UBE3C: variants seen among roughly 807,000 people sequenced by gnomAD.
UBE3C encodes ubiquitin protein ligase E3C.
UBE3C carries 42 observed loss-of-function variants against 129.4 expected under a neutral mutation model. The observed-to-expected ratio is 0.32, with a 90% CI of 0.25 to 0.42. The LOEUF (loss-of-function observed/expected upper bound fraction) is 0.42. UBE3C is among the 10% of genes least tolerant of loss of function. UBE3C has a pLI of 1.00. For synonymous variants in UBE3C, 510 were observed against 492.4 expected (o/e 1.04, Z -0.47); for missense variants, 1,049 against 1,319.1 (o/e 0.80, Z 3.17).
chr7:157,235,899 AT>A (rs1291404873), intron 18 of UBE3C, among the ~76,000 whole-genome samples: 23 of 152,288 alleles, frequency 1.5e-4, no homozygotes, highest in Admixed American at 1.4e-3. Context: ...AGTAAGTGTC[AT>A]AGTACAGCAG....
intron 10 of UBE3C, among the ~76,000 whole-genome samples, chr7:157,190,735 C>T (rs1323938268): frequency 6.6e-6 from 1 of 152,098 alleles, no homozygotes; most frequent in African/African-American, 2.4e-5. Context: ...AAAAAATTCA[C>T]ATTCCTTGGA....
At position 157,207,749 on chromosome 7, in the gene UBE3C, G is replaced by A. The variant is rs1809473680; in HGVS notation, c.1623G>A (p.Glu541=). ...CAATGATGCCTTTTACTTTAGAAGA[G>A]CTGATAATGTTGTCTCGATGCCTTC... The part of the protein sequence containing the change: ...QSSMMPFTLE[E]LIMLSRCLRD... The change falls in exon 13 of 23, where the codon GAG becomes GAA. Residue 541 remains glutamate (E), a synonymous_variant. Transcript: ENST00000348165. The A allele has an allele frequency of 6.2e-7, 1 of 1,613,980 alleles. No homozygotes were observed. The highest frequency in any genetic ancestry group is 1.3e-5 in the African/African-American group (1 of 74,918).
intron 18 of UBE3C, among the ~76,000 whole-genome samples, chr7:157,245,160 T>C (rs1194163466): frequency 6.6e-6 from 1 of 152,254 alleles, no homozygotes. Flanking sequence ...ACCTGCCTCA[T>C]GTAAAAAATG....
intron 10 of UBE3C, among the ~76,000 whole-genome samples, chr7:157,189,695 CA>C (rs1216434863): frequency 1.3e-5 from 2 of 152,172 alleles, no homozygotes; most frequent in Non-Finnish European, 2.9e-5. Flanking sequence ...TCATAGATAC[CA>C]TATTCATGTG....
chr7:157,165,898 A>G (rs1808199800), intron 2 of UBE3C, among the ~76,000 whole-genome samples: 1 of 151,968 alleles, frequency 6.6e-6, no homozygotes, highest in African/African-American at 2.4e-5. Context: ...TTGATTTTTA[A>G]TCTGATGGGG....
intron 4 of UBE3C, among the ~76,000 whole-genome samples, chr7:157,171,336 C>T (rs1373422034): frequency 6.6e-6 from 1 of 152,008 alleles, no homozygotes; most frequent in East Asian, 1.9e-4. Flanking sequence ...CCATGTTGGC[C>T]AGGCTAGCCT....
Position 157,207,879 on chromosome 7 carries a change from T to C in UBE3C, c.1753T>C (p.Ser585Pro). 6.2e-7 allele frequency: 1 copy of C among 1,613,164 alleles called. No homozygotes were observed. Among genetic ancestry groups the C allele is most frequent in the Non-Finnish European group, 8.5e-7 (1 of 1,179,718 alleles). ...AFQSIGVTTS[S>P]EMQQCIQMEQ... Reference sequence around the variant, plus strand: ...TCAGAGTATTGGAGTTACTACTAGCTCTGAAATGCAACAATGCATACAGAT... The same window carrying C: ...TCAGAGTATTGGAGTTACTACTAGCCCTGAAATGCAACAATGCATACAGAT... The change falls in exon 13 of 23, where the codon TCT (serine) becomes CCT (proline). Residue 585 changes from serine (S) to proline (P), a missense_variant. By Grantham distance (74) the Ser-to-Pro change is moderately conservative. Around this residue, in one of 4 missense-constraint regions of UBE3C, gnomAD observed 314 missense variants for 416.9 expected, o/e 0.75. Transcript: ENST00000348165.
intron 9 of UBE3C, among the ~76,000 whole-genome samples, chr7:157,185,297 C>T (rs1349770822): frequency 6.6e-6 from 1 of 152,242 alleles, no homozygotes; most frequent in Admixed American, 6.5e-5. Context: ...CTCGTGCTCA[C>T]ACTTTGAACA....
intron 19 of UBE3C, 98 bp downstream of exon 19, chr7:157,248,678 A>G (rs749472162): frequency 2.3e-6 from 3 of 1,306,520 alleles, no homozygotes; most frequent in Non-Finnish European, 3.2e-6. Context: ...TGACTTCCGC[A>G]CATTTTAGTT....
intron 2 of UBE3C, among the ~76,000 whole-genome samples, chr7:157,165,981 A>C (rs911055220): frequency 5.9e-5 from 9 of 152,178 alleles, no homozygotes; most frequent in Admixed American, 2.0e-4. Flanking sequence ...GACTTTAGAT[A>C]GTCTGATTAT....
chr7:157,258,796 T>C (rs1200232653), intron 22 of UBE3C, among the ~76,000 whole-genome samples: 1 of 152,198 alleles, frequency 6.6e-6, no homozygotes, highest in Non-Finnish European at 1.5e-5. Context: ...GTGAAGCTAT[T>C]CTTTAACTTT....
At chr7:157,198,321 TG>T (rs1411487942) in intron 10 of UBE3C, 2 of 811,428 alleles carry the variant, frequency 2.5e-6, no homozygotes, top group Non-Finnish European at 4.5e-6. Context: ...TTGGAAGATT[TG>T]CGCTTCACTT....
In UBE3C at chr7:157,145,782, A is replaced by G. The variant is rs1449572827; in HGVS notation, c.66+6444A>G. Among the ~76,000 whole-genome samples the G allele has an allele frequency of 3.3e-5, 5 of 151,896 alleles. No individual in the cohort carries two copies. In the East Asian group the frequency reaches 9.7e-4, roughly 29 times the overall value. ...ATAAGCTTTTTTTTTAGAGTGGTTTACGGTTTACAGAATAATTGATGGGAA... is the reference window on the plus strand; with the variant it reads ...ATAAGCTTTTTTTTTAGAGTGGTTTGCGGTTTACAGAATAATTGATGGGAA... On this transcript the variant is annotated intron_variant, in intron 1 of 22. Coordinates refer to ENST00000348165, the MANE Select transcript of UBE3C (RefSeq NM_014671.3).
At chr7:157,216,835 G>A (rs368554632) in intron 13 of UBE3C, 32 bp from the exon 14 acceptor site, 335 of 1,550,198 alleles carry the variant, frequency 2.2e-4, no homozygotes, top group Non-Finnish European at 2.6e-4. Context: ...CCGAGCTCAC[G>A]TGTGTGACGC....
rs1584838402 is a variant in UBE3C at position 157,268,604 on chromosome 7, C to T, written c.*849C>T. 6.5e-6 allele frequency: 1 copy of T among 152,750 alleles called. No homozygotes were observed. The highest frequency in any genetic ancestry group is 1.9e-4 in the East Asian group (1 of 5,192). The allele number at this position is 152,750 out of a possible 1,614,324, so 9.5% of individuals were successfully genotyped here. A position where few individuals can be genotyped will look rare whatever the true frequency, so the allele number is the denominator to read the frequency against. On this transcript the variant is annotated 3_prime_UTR_variant, in exon 23 of 23. Coordinates refer to ENST00000348165, the MANE Select transcript of UBE3C (RefSeq NM_014671.3). Reference sequence around the variant, plus strand: ...CCAAAGTGGCGGCTGCATCTTTGTCCCGATGCTAGCCGTGCCGGTCTCCCA... The same window carrying T: ...CCAAAGTGGCGGCTGCATCTTTGTCTCGATGCTAGCCGTGCCGGTCTCCCA...
intron 4 of UBE3C, among the ~76,000 whole-genome samples, chr7:157,173,761 G>C (rs1019732288): frequency 2.6e-4 from 40 of 152,012 alleles, no homozygotes; most frequent in Non-Finnish European, 2.9e-4. Context: ...ATTTTAGGAC[G>C]AACTACATGT....
chr7:157,222,458 C>T (rs1375241617), intron 15 of UBE3C: 1 of 150,726 alleles, frequency 6.6e-6, no homozygotes, highest in East Asian at 2.0e-4. Flanking sequence ...CTCAGTGTGT[C>T]ACCAGGCTGG....
At chr7:157,198,552 C>G in intron 10 of UBE3C, 1 of 311,398 alleles carries the variant, frequency 3.2e-6, no homozygotes, top group Non-Finnish European at 6.1e-6. Flanking sequence ...TTATTTTTTT[C>G]GACAGGGAGT....
intron 4 of UBE3C, among the ~76,000 whole-genome samples, chr7:157,173,725 A>G (rs1808441157): frequency 6.6e-6 from 1 of 152,188 alleles, no homozygotes; most frequent in South Asian, 2.1e-4. Flanking sequence ...GTTATTTTAC[A>G]TCTTATTTGT....
Sources: allele counts gnomAD v4.1 joint callset (sites outside exome capture counted in the v4.1 genomes callset), GRCh38; gene constraint gnomAD v4.1.1; regional missense constraint gnomAD v4.1.1; transcripts MANE v1.5; gene names NCBI Gene and HGNC (gene_info 2026-07-23, HGNC 2026-07-21).